The following TAS2R1 variants were observed in gnomAD, a reference collection of about 807,000 sequenced individuals.
The protein encoded by TAS2R1 is taste receptor type 2 member 1.
For synonymous variants in TAS2R1, 141 were observed against 134.2 expected (o/e 1.05, Z -0.35); for missense variants, 370 against 353.4 (o/e 1.05, Z -0.38).
chr5:9,684,549 G>A (rs989867459), intron 1 of TAS2R1, among the ~76,000 whole-genome samples: 3 of 152,134 alleles, frequency 2.0e-5, no homozygotes, highest in Non-Finnish European at 4.4e-5. Context: ...GTCTTACTCT[G>A]TTGCTAAGGC....
chr5:9,801,265 T>C, the TAS2R1 span, among the ~76,000 whole-genome samples: 1 of 152,200 alleles, frequency 6.6e-6, no homozygotes, highest in Non-Finnish European at 1.5e-5. Context: ...AGAGGGCCAT[T>C]ACCAGAACCT....
intron 2 of TAS2R1, among the ~76,000 whole-genome samples, chr5:9,636,356 T>C (rs896323607): frequency 3.3e-5 from 5 of 152,138 alleles, no homozygotes; most frequent in South Asian, 4.1e-4. Context: ...TTGTGACCCA[T>C]CATATGGTCT....
the TAS2R1 span, among the ~76,000 whole-genome samples, chr5:9,809,478 A>G: frequency 6.6e-6 from 1 of 152,064 alleles, no homozygotes; most frequent in Non-Finnish European, 1.5e-5. Context: ...GAAGAGGAGG[A>G]GATACCAGGC....
chr5:9,640,404 G>C (rs1264908637), intron 2 of TAS2R1, among the ~76,000 whole-genome samples: 1 of 146,902 alleles, frequency 6.8e-6, no homozygotes, highest in Admixed American at 7.0e-5. Context: ...GAATTACCAA[G>C]GTATGACAGA....
chr5:9,666,716 CAGAA>C (rs1258359303), intron 1 of TAS2R1, among the ~76,000 whole-genome samples: 2 of 151,956 alleles, frequency 1.3e-5, no homozygotes, highest in African/African-American at 4.8e-5. Context: ...AAGAAGAAAA[CAGAA>C]AGCAAGAAAC....
chr5:9,823,619 AGAGGGAAAGGGAGGAAGGAAGG>A, the TAS2R1 span, among the ~76,000 whole-genome samples: 2 of 121,602 alleles, frequency 1.6e-5, no homozygotes, highest in Non-Finnish European at 3.4e-5. Context: ...GGAGGGGAGG[AGAGGGAAAGGGAGGAAGGAAGG>A]GAGGGAAAGG....
At chr5:9,677,597 T>C (rs1006213744) in intron 1 of TAS2R1, among the ~76,000 whole-genome samples, 1 of 152,172 alleles carries the variant, frequency 6.6e-6, no homozygotes, top group Non-Finnish European at 1.5e-5. Context: ...TACATGATTA[T>C]GAAAATCCAA....
At chr5:9,760,668 A>C in the TAS2R1 span, among the ~76,000 whole-genome samples, 1 of 152,214 alleles carries the variant, frequency 6.6e-6, no homozygotes, top group Non-Finnish European at 1.5e-5. Flanking sequence ...TCCTCAGTAC[A>C]CAAAAAGGAT....
intron 1 of TAS2R1, among the ~76,000 whole-genome samples, chr5:9,692,690 C>G (rs1328158814): frequency 6.6e-6 from 1 of 152,166 alleles, no homozygotes; most frequent in African/African-American, 2.4e-5. Context: ...AGAAGACCTT[C>G]TCCCAGATCT....
chr5:9,836,212 T>C, the TAS2R1 span, among the ~76,000 whole-genome samples: 43,295 of 151,842 alleles, frequency 0.29, 6,921 homozygotes, highest in Non-Finnish European at 0.37. Context: ...CATGTGGAAC[T>C]GTAAGTCCAA....
At chr5:9,871,758 CT>C in the TAS2R1 span, among the ~76,000 whole-genome samples, 1 of 152,140 alleles carries the variant, frequency 6.6e-6, no homozygotes, top group Admixed American at 6.6e-5. Context: ...ACTGTCAAGC[CT>C]TTTTTTATGA....
At chr5:9,804,502 A>G in the TAS2R1 span, among the ~76,000 whole-genome samples, 1 of 152,150 alleles carries the variant, frequency 6.6e-6, no homozygotes, top group South Asian at 2.1e-4. Flanking sequence ...GCCACAAAAC[A>G]AGTCTCAATA....
At chr5:9,721,592 C>G in the TAS2R1 span, among the ~76,000 whole-genome samples, 1 of 152,216 alleles carries the variant, frequency 6.6e-6, no homozygotes, top group Non-Finnish European at 1.5e-5. Flanking sequence ...CCTAGCTCAC[C>G]TCCTACAAAT....
At chr5:9,887,122 A>G in the TAS2R1 span, among the ~76,000 whole-genome samples, 3 of 152,320 alleles carry the variant, frequency 2.0e-5, no homozygotes, top group South Asian at 2.1e-4. Context: ...TTTATACTCT[A>G]TCCACAGAAT....
At chr5:9,893,303 C>T in the TAS2R1 span, among the ~76,000 whole-genome samples, 5 of 151,700 alleles carry the variant, frequency 3.3e-5, no homozygotes, top group Admixed American at 3.3e-4. Flanking sequence ...CTCCCGTGGC[C>T]GGGCTTTCTA....
At chr5:9,820,355 G>A in the TAS2R1 span, among the ~76,000 whole-genome samples, 1 of 152,052 alleles carries the variant, frequency 6.6e-6, no homozygotes, top group African/African-American at 2.4e-5. Context: ...TCTCTGCTTT[G>A]AGCCTATAAA....
At chr5:9,670,027 G>C (rs2126502002) in intron 1 of TAS2R1, among the ~76,000 whole-genome samples, 1 of 152,048 alleles carries the variant, frequency 6.6e-6, no homozygotes, top group South Asian at 2.1e-4. Flanking sequence ...TTTTAAAAGA[G>C]AGAAGATAAA....
chr5:9,718,112 A>G, the TAS2R1 span, among the ~76,000 whole-genome samples: 3 of 149,000 alleles, frequency 2.0e-5, no homozygotes, highest in Admixed American at 1.3e-4. Context: ...GGCACACGCC[A>G]CCATGCCCAG....
the TAS2R1 span, among the ~76,000 whole-genome samples, chr5:9,740,346 A>G: frequency 3.3e-5 from 5 of 152,194 alleles, no homozygotes; most frequent in African/African-American, 1.2e-4. Context: ...CCAGTTAATA[A>G]GTGGTACAGT....
Sources: allele counts gnomAD v4.1 joint callset (sites outside exome capture counted in the v4.1 genomes callset), GRCh38; gene constraint gnomAD v4.1.1; transcripts MANE v1.5; gene names NCBI Gene and HGNC (gene_info 2026-07-23, HGNC 2026-07-21).